CYP27A1: variants seen among roughly 807,000 people sequenced by gnomAD.
The protein encoded by CYP27A1 is sterol 26-hydroxylase, mitochondrial.
In CYP27A1, 46 loss-of-function variants were observed where a neutral mutation model predicts 58.2. The observed-to-expected ratio is 0.79, with a 90% confidence interval of 0.62 to 1.01. The LOEUF (loss-of-function observed/expected upper bound fraction) is 1.01. CYP27A1 is among the 50% of genes least tolerant of loss of function. The probability of loss-of-function intolerance (pLI) is 0.00; values close to 1 mark genes in which losing one functional copy is unlikely to be tolerated. For synonymous variants in CYP27A1, 274 were observed against 285.1 expected, an observed-to-expected ratio of 0.96 and a Z score of 0.39; for missense variants, 704 against 687.0, an observed-to-expected ratio of 1.02 and a Z score of -0.28.
chr2:218,804,936 C>T (rs1014699180), intron 1 of CYP27A1, among the ~76,000 whole-genome samples: 1 of 152,162 alleles, frequency 6.6e-6, no homozygotes, highest in Non-Finnish European at 1.5e-5. Flanking sequence ...GGGCTGTCTT[C>T]CTGGCTTGTA....
At chr2:218,796,042 G>A (rs911436973) in intron 1 of CYP27A1, among the ~76,000 whole-genome samples, 1 of 152,144 alleles carries the variant, frequency 6.6e-6, no homozygotes, top group African/African-American at 2.4e-5. Flanking sequence ...GGAGCTCCTG[G>A]GCCTGTTAGA....
At chr2:218,798,305 T>A (rs1279171461) in intron 1 of CYP27A1, among the ~76,000 whole-genome samples, 1 of 152,210 alleles carries the variant, frequency 6.6e-6, no homozygotes, top group East Asian at 1.9e-4. Context: ...ATGCCCAGCC[T>A]TCTTATAATC....
At chr2:218,810,054 G>A (rs762470750) in intron 2 of CYP27A1, among the ~76,000 whole-genome samples, 6 of 152,104 alleles carry the variant, frequency 3.9e-5, no homozygotes, top group African/African-American at 7.2e-5. Context: ...TGAGGTGGGC[G>A]GATCACTTGA....
chr2:218,806,543 G>T (rs1395174051), intron 1 of CYP27A1, among the ~76,000 whole-genome samples: 1 of 152,188 alleles, frequency 6.6e-6, no homozygotes, highest in Non-Finnish European at 1.5e-5. Flanking sequence ...AGTAATCCTG[G>T]GTTGTTATTG....
intron 2 of CYP27A1, among the ~76,000 whole-genome samples, chr2:218,810,687 A>G (rs1943703711): frequency 1.3e-5 from 2 of 152,238 alleles, no homozygotes; most frequent in African/African-American, 4.8e-5. Context: ...TACTGTTGAG[A>G]GAGTTTTACT....
chr2:218,798,228 C>T (rs1265632667), intron 1 of CYP27A1, among the ~76,000 whole-genome samples: 2 of 152,174 alleles, frequency 1.3e-5, no homozygotes, highest in Non-Finnish European at 2.9e-5. Context: ...TAGTCTCAAG[C>T]TCCTGACCTC....
Position 218,814,187 on chromosome 2 carries a change from G to C in CYP27A1, c.1184G>C (p.Arg395Pro). The change falls in exon 6 of 9, where the codon CGT becomes CCT. Residue 395 changes from arginine to proline, a missense_variant and splice_region_variant. Physicochemically the swap from Arg to Pro is moderately radical, Grantham distance 103. Transcript: ENST00000258415. ...AAAGCTGTGCTTAAGGAGACTCTGC[G>C]GTAGGACAGAATGCTGTTCTGGGGG... The part of the protein sequence containing the change: ...LLKAVLKETL[R>P]LYPVVPTNSR... 6.2e-7 allele frequency: 1 copy of C among 1,614,214 alleles called. No homozygotes were observed. The highest frequency in any genetic ancestry group is 8.5e-7 in the Non-Finnish European group (1 of 1,180,048).
At chr2:218,785,985 C>A (rs1943436919) in intron 1 of CYP27A1, among the ~76,000 whole-genome samples, 1 of 152,164 alleles carries the variant, frequency 6.6e-6, no homozygotes, top group Admixed American at 6.5e-5. Context: ...TTCAGGAAGT[C>A]ATCAAAGCTG....
chr2:218,813,176 C>G, intron 5 of CYP27A1, 80 bp downstream of exon 5: 3 of 1,307,676 alleles, frequency 2.3e-6, no homozygotes, highest in Non-Finnish European at 3.2e-6. Flanking sequence ...CACCTGATCC[C>G]GACCTTCATC....
At chr2:218,788,977 T>C (rs116824060) in intron 1 of CYP27A1, among the ~76,000 whole-genome samples, 2,063 of 152,308 alleles carry the variant, frequency 0.014, 33 homozygotes, top group Non-Finnish European at 0.018. Context: ...ACAGGGAACA[T>C]GGCCCAAAAG....
intron 1 of CYP27A1, among the ~76,000 whole-genome samples, chr2:218,796,339 T>A (rs1320737392): frequency 1.3e-5 from 2 of 152,212 alleles, no homozygotes; most frequent in African/African-American, 4.8e-5. Flanking sequence ...ACGCCTGTAA[T>A]CCCAGCACTT....
chr2:218,813,405 G>T (rs1346092114), intron 5 of CYP27A1, among the ~76,000 whole-genome samples: 1 of 152,054 alleles, frequency 6.6e-6, no homozygotes, highest in South Asian at 2.1e-4. Context: ...AGTTGGAAGA[G>T]CTCATTCACA....
In CYP27A1 at chr2:218,814,585, C is replaced by T. The variant is rs1559393493; in HGVS notation, c.1304C>T (p.Pro435Leu). Residue 435 changes from proline (P) to leucine (L), a missense_variant, in exon 8 of 9, where the codon CCC becomes CTC. Coordinates refer to ENST00000258415, the MANE Select transcript of CYP27A1 (RefSeq NM_000784.4). ...TGCCACTATGTGGTGTCCCGGGACC[C>T]CACTGCCTTCTCTGAGCCTGAAAGC... is the stretch of plus-strand genomic sequence containing the variant. ...VFCHYVVSRD[P>L]TAFSEPESFQ... is the part of the protein sequence containing the mutation. 6.2e-7 allele frequency: 1 copy of T among 1,614,208 alleles called. No homozygotes were observed. The highest frequency in any genetic ancestry group is 1.1e-5 in the South Asian group (1 of 91,076).
At chr2:218,805,132 G>C (rs1448885643) in intron 1 of CYP27A1, among the ~76,000 whole-genome samples, 1 of 152,148 alleles carries the variant, frequency 6.6e-6, no homozygotes, top group Non-Finnish European at 1.5e-5. Context: ...AATTTGAGGG[G>C]AGTGCAGACA....
At chr2:218,799,794 T>C (rs966035071) in intron 1 of CYP27A1, among the ~76,000 whole-genome samples, 1 of 151,920 alleles carries the variant, frequency 6.6e-6, no homozygotes, top group African/African-American at 2.4e-5. Flanking sequence ...CCAAATCCAG[T>C]TAAAGTAATT....
chr2:218,789,186 C>A (rs779144126), intron 1 of CYP27A1, among the ~76,000 whole-genome samples: 1 of 152,262 alleles, frequency 6.6e-6, no homozygotes, highest in East Asian at 1.9e-4. Flanking sequence ...ATTTAAATGT[C>A]CCATAGTAGG....
At chr2:218,810,412 A>G (rs757293037) in intron 2 of CYP27A1, among the ~76,000 whole-genome samples, 2 of 152,230 alleles carry the variant, frequency 1.3e-5, no homozygotes, top group Non-Finnish European at 2.9e-5. Flanking sequence ...AACATTATGT[A>G]GAGCCCTTTG....
intron 1 of CYP27A1, among the ~76,000 whole-genome samples, chr2:218,800,223 A>T (rs918349557): frequency 6.6e-6 from 1 of 152,084 alleles, no homozygotes; most frequent in Non-Finnish European, 1.5e-5. Flanking sequence ...GAAGAGTGGG[A>T]GGGGCCTCCC....
At chr2:218,805,858 A>G (rs2105977287) in intron 1 of CYP27A1, 1 of 152,304 alleles carries the variant, frequency 6.6e-6, no homozygotes, top group Admixed American at 6.5e-5. Context: ...TTTCTAAAAT[A>G]ACTTCTTACA....
Sources: gnomAD v4.1 joint callset for allele counts (sites outside exome capture counted in the v4.1 genomes callset) on GRCh38, gnomAD v4.1.1 for gene constraint, MANE v1.5 for transcripts, NCBI Gene and HGNC (gene_info 2026-07-23, HGNC 2026-07-21) for gene names.